The following PDZRN4 variants were observed in gnomAD, a reference collection of about 807,000 sequenced individuals.
PDZRN4 encodes PDZ domain-containing RING finger protein 4.
A neutral mutation model predicts 99.0 loss-of-function variants in PDZRN4; 70 were observed. That is an observed-to-expected ratio of 0.71 (90% CI 0.58 to 0.86). PDZRN4 has a LOEUF of 0.86. Among genes scored for constraint, PDZRN4 ranks in the 40% least tolerant of loss-of-function variants. The pLI, the probability that PDZRN4 is intolerant of heterozygous loss-of-function variation, is 0.00. For synonymous variants in PDZRN4, 551 were observed against 501.6 expected, an observed-to-expected ratio of 1.10 and a Z score of -1.32; for missense variants, 1,474 against 1,331.2, an observed-to-expected ratio of 1.11 and a Z score of -1.67.
intron 3 of PDZRN4, among the ~76,000 whole-genome samples, chr12:41,372,726 A>G (rs946206915): frequency 2.0e-5 from 3 of 152,176 alleles, no homozygotes; most frequent in African/African-American, 7.2e-5. Context: ...TCTAGAGAAG[A>G]GGCTAAATCA....
At chr12:41,565,897 A>G (rs1393883353) in intron 8 of PDZRN4, among the ~76,000 whole-genome samples, 1 of 152,132 alleles carries the variant, frequency 6.6e-6, no homozygotes, top group East Asian at 1.9e-4. Flanking sequence ...GTGCAGATAG[A>G]TCCCCACTCT....
At chr12:41,557,886 CA>C (rs1939195747) in intron 7 of PDZRN4, among the ~76,000 whole-genome samples, 1 of 152,012 alleles carries the variant, frequency 6.6e-6, no homozygotes, top group African/African-American at 2.4e-5. Flanking sequence ...AAAAGTGGAC[CA>C]GGAAGCCAAG....
rs183067068 is a variant in PDZRN4 at position 41,448,943 on chromosome 12, C to T, written c.844-57513C>T. Among the ~76,000 whole-genome samples, 25 of 152,226 alleles carry T rather than the reference C, an allele frequency of 1.6e-4. No individual in the cohort carries two copies. In the East Asian group the frequency reaches 4.5e-3, roughly 27 times the overall value. ...TCCAAAAACAAAACATTTATTGGCC[C>T]TTCCTTTGCCCCAACTGGGCTCCTC... On this transcript the variant is annotated intron_variant, in intron 3 of 9. Transcript: ENST00000402685.
At chr12:41,232,679 A>T (rs1322760374) in intron 3 of PDZRN4, among the ~76,000 whole-genome samples, 2 of 152,062 alleles carry the variant, frequency 1.3e-5, no homozygotes, top group Non-Finnish European at 2.9e-5. Context: ...GTTTAACTAG[A>T]TCCCATTTGT....
intron 3 of PDZRN4, among the ~76,000 whole-genome samples, chr12:41,354,775 T>C (rs1463956864): frequency 6.6e-6 from 1 of 152,022 alleles, no homozygotes; most frequent in Admixed American, 6.6e-5. Flanking sequence ...CCCATTCAAT[T>C]AGATATTAAA....
intron 3 of PDZRN4, among the ~76,000 whole-genome samples, chr12:41,293,926 G>A (rs566805960): frequency 2.2e-4 from 34 of 152,228 alleles, no homozygotes; most frequent in African/African-American, 8.2e-4. Flanking sequence ...TTACAAATAA[G>A]CAAGAATCTG....
Position 41,506,710 on chromosome 12 carries a change from C to A in PDZRN4, c.1098C>A (p.Asp366Glu), listed in dbSNP as rs1031242143. The change falls in exon 4 of 10, where the codon GAC (aspartate) becomes GAA (glutamate). Residue 366 changes from aspartate (D) to glutamate (E), a missense_variant and splice_region_variant. Coordinates refer to ENST00000402685, the MANE Select transcript of PDZRN4 (RefSeq NM_001164595.2). ...VPDICPFLLS[D>E]SCHSLHPMEH... ...ACATCTGTCCATTCCTGCTCTCAGA[C>A]AGGTATTTTTCTATCATTTCTTCCA... is the stretch of plus-strand genomic sequence containing the variant. The A allele has an allele frequency of 1.2e-6, 2 of 1,603,120 alleles. No individual in the cohort carries two copies. The highest frequency in any genetic ancestry group is 1.7e-5 in the Admixed American group (1 of 58,514).
chr12:41,357,328 A>G (rs1307697030), intron 3 of PDZRN4, among the ~76,000 whole-genome samples: 1 of 151,940 alleles, frequency 6.6e-6, no homozygotes. Context: ...CAACAACCCA[A>G]CAAGCCAGTT....
chr12:41,475,891 T>C (rs1953038738), intron 3 of PDZRN4, among the ~76,000 whole-genome samples: 1 of 152,236 alleles, frequency 6.6e-6, no homozygotes, highest in Non-Finnish European at 1.5e-5. Flanking sequence ...ATGTTGTCTG[T>C]ACCATTTTTT....
chr12:41,262,898 A>G (rs1454992701), intron 3 of PDZRN4, among the ~76,000 whole-genome samples: 2 of 152,164 alleles, frequency 1.3e-5, no homozygotes, highest in Non-Finnish European at 2.9e-5. Flanking sequence ...TTAATAGGTC[A>G]GTCAATTAAG....
intron 3 of PDZRN4, among the ~76,000 whole-genome samples, chr12:41,440,739 A>G (rs1433596141): frequency 2.0e-5 from 3 of 152,156 alleles, no homozygotes; most frequent in African/African-American, 7.2e-5. Context: ...TGCGGTTTCC[A>G]TGCATCTTTA....
At chr12:41,552,214 T>G (rs1187020030) in intron 5 of PDZRN4, among the ~76,000 whole-genome samples, 3 of 152,180 alleles carry the variant, frequency 2.0e-5, no homozygotes, top group Non-Finnish European at 4.4e-5. Flanking sequence ...GTATAGTCTT[T>G]TTTTTATTAT....
At chr12:41,452,404 A>C (rs1320457460) in intron 3 of PDZRN4, among the ~76,000 whole-genome samples, 1 of 151,134 alleles carries the variant, frequency 6.6e-6, no homozygotes, top group Non-Finnish European at 1.5e-5. Context: ...GCACCACTGC[A>C]CTCCAGCCTG....
In PDZRN4 at chr12:41,222,773, C is replaced by T. The variant is rs190055691; in HGVS notation, c.843+28585C>T. ...CTCATGACCTCAAGTGATCCACCCG[C>T]CTCAGCCTCCCAAAATGCTGGGATT... On this transcript the variant is annotated intron_variant, in intron 3 of 9. Transcript: ENST00000402685. Among the ~76,000 whole-genome samples, 414 of 152,240 alleles carry T rather than the reference C, an allele frequency of 2.7e-3. 4 individuals are homozygous for T. In the Middle Eastern group the frequency reaches 0.037, roughly 14 times the overall value.
chr12:41,569,410 A>G (rs189858300), intron 9 of PDZRN4, among the ~76,000 whole-genome samples: 1,672 of 151,972 alleles, frequency 0.011, 27 homozygotes, highest in African/African-American at 0.038. Flanking sequence ...TCCCACCACC[A>G]CACCCAGCTA....
chr12:41,414,571 G>A (rs1379747002), intron 3 of PDZRN4, among the ~76,000 whole-genome samples: 1 of 151,280 alleles, frequency 6.6e-6, no homozygotes, highest in Non-Finnish European at 1.5e-5. Context: ...GTATAAAAAG[G>A]AAAAGAAAGA....
At chr12:41,446,931 T>C (rs1952734150) in intron 3 of PDZRN4, among the ~76,000 whole-genome samples, 1 of 151,704 alleles carries the variant, frequency 6.6e-6, no homozygotes, top group African/African-American at 2.4e-5. Flanking sequence ...CCAGGATGTA[T>C]TGTAAAAGCC....
intron 3 of PDZRN4, among the ~76,000 whole-genome samples, chr12:41,436,570 C>G (rs906184341): frequency 6.6e-6 from 1 of 152,134 alleles, no homozygotes; most frequent in African/African-American, 2.4e-5. Flanking sequence ...CTATCCTGTC[C>G]GGTTTAAAGA....
At chr12:41,277,756 G>T (rs1591994446) in intron 3 of PDZRN4, among the ~76,000 whole-genome samples, 1 of 152,250 alleles carries the variant, frequency 6.6e-6, no homozygotes, top group East Asian at 1.9e-4. Context: ...GCTGCTCTTT[G>T]GTGTGTAGGA....
Sources: gnomAD v4.1 joint callset for allele counts (sites outside exome capture counted in the v4.1 genomes callset) on GRCh38, gnomAD v4.1.1 for gene constraint, MANE v1.5 for transcripts, NCBI Gene and HGNC (gene_info 2026-07-23, HGNC 2026-07-21) for gene names.